Variants in NPHS2 observed in about 807,000 individuals in gnomAD.
The protein encoded by NPHS2 is NPHS2 stomatin family member, podocin.
NPHS2 carries 36 observed loss-of-function variants against 37.1 expected under a neutral mutation model. That is an observed-to-expected ratio of 0.97 (90% CI 0.74 to 1.28). NPHS2 has a LOEUF of 1.28. Ranked by LOEUF, NPHS2 falls within the 50% of genes most tolerant of loss-of-function variation. The pLI, the probability that NPHS2 is intolerant of heterozygous loss-of-function variation, is 0.00. For missense variants in NPHS2, 447 were observed against 488.1 expected (o/e 0.92, Z 0.79); for synonymous variants, 196 against 189.3 (o/e 1.04, Z -0.29).
In NPHS2 at chr1:179,551,126, CT is replaced by C. The variant is rs748220964; in HGVS notation, c.*46del. 7 of 1,612,316 alleles carry C rather than the reference CT, an allele frequency of 4.3e-6. No individual in the cohort carries two copies. The African/African-American group carries it at 9.3e-5, about 22-fold the overall frequency. On this transcript the variant is annotated 3_prime_UTR_variant, in exon 8 of 8. Coordinates refer to ENST00000367615, the MANE Select transcript of NPHS2 (RefSeq NM_014625.4). ...CAGAGTGTCTCCCTCAGGCATGTGA[CT>C]TTTCTATGGCAGGCCCCTTTACAGT...
chr1:179,569,813 G>A (rs1674483318), intron 1 of NPHS2, among the ~76,000 whole-genome samples: 1 of 152,104 alleles, frequency 6.6e-6, no homozygotes, highest in Non-Finnish European at 1.5e-5. Context: ...GCTTAGTTTG[G>A]CTGGATATGA....
rs1393197867 is a variant in NPHS2, at chr1:179,551,305, T to C, written c.1020A>G (p.Leu340=). The change falls in exon 8 of 8, where the codon TTA becomes TTG. Residue 340 remains leucine (L), a synonymous_variant. Transcript: ENST00000367615. ...AATTCAGTAGGTCAAATGGCAAAGG[T>C]AAAACCACAGTGGAAGGCTTCTCTG... ...LSTEKPSTVV[L]PLPFDLLNCL... The C allele has an allele frequency of 1.2e-6, 2 of 1,613,848 alleles. No homozygotes were observed. The highest frequency in any genetic ancestry group is 1.7e-6 in the Non-Finnish European group (2 of 1,179,986).
chr1:179,562,015 C>T (rs1674159579), intron 2 of NPHS2, among the ~76,000 whole-genome samples: 1 of 152,184 alleles, frequency 6.6e-6, no homozygotes, highest in Admixed American at 6.5e-5. Context: ...CCATATTCGT[C>T]AGGCTGGTCT....
chr1:179,572,922 C>T (rs1233149742), intron 1 of NPHS2, among the ~76,000 whole-genome samples: 1 of 152,034 alleles, frequency 6.6e-6, no homozygotes, highest in Non-Finnish European at 1.5e-5. Flanking sequence ...GCATCCTCGG[C>T]CTCCTGGGCT....
chr1:179,575,563 G>C (rs1159983111), intron 1 of NPHS2, 28 bp downstream of exon 1: 2 of 1,599,548 alleles, frequency 1.3e-6, no homozygotes, highest in South Asian at 1.1e-5. Context: ...ACCTGGAAAA[G>C]TAGCAGATAG....
At chr1:179,561,560 A>G (rs935591020) in intron 2 of NPHS2, among the ~76,000 whole-genome samples, 199 bp from the exon 3 acceptor site, 3 of 152,236 alleles carry the variant, frequency 2.0e-5, no homozygotes, top group African/African-American at 7.2e-5. Flanking sequence ...TAACCATGTT[A>G]ATTTTTGAAC....
At chr1:179,569,298 TTATGTAATG>T (rs1674458099) in intron 1 of NPHS2, among the ~76,000 whole-genome samples, 1 of 134,852 alleles carries the variant, frequency 7.4e-6, no homozygotes, top group South Asian at 2.6e-4. Context: ...CCCTTTACCA[TTATGTAATG>T]GCCTTCTTTG....
At chr1:179,572,239 G>A (rs2101882707) in intron 1 of NPHS2, among the ~76,000 whole-genome samples, 1 of 152,276 alleles carries the variant, frequency 6.6e-6, no homozygotes, top group East Asian at 1.9e-4. Context: ...CATGTCCAGA[G>A]GCTTATCTTC....
chr1:179,557,149 T>G lies in NPHS2; in HGVS notation c.616A>C (p.Ser206Arg). 6.2e-7 allele frequency: 1 copy of G among 1,614,092 alleles called. No homozygotes were observed. The highest frequency in any genetic ancestry group is 1.1e-5 in the South Asian group (1 of 91,080). ...ACAGCTTTAGATACATGAGCAAGAC[T>G]GCTTAGGAGAAGAGAGGCATTTTCC... ...RMENASLLLS[S>R]LAHVSKAVQF... Residue 206 changes from serine to arginine, a missense_variant, in exon 5 of 8, where the codon AGT (serine) becomes CGT (arginine). By Grantham distance (110) the Ser-to-Arg change is moderately radical. Coordinates refer to ENST00000367615, the MANE Select transcript of NPHS2 (RefSeq NM_014625.4).
chr1:179,557,124 A>G lies in NPHS2; in HGVS notation c.641T>C (p.Val214Ala). The change falls in exon 5 of 8, where the codon GTG becomes GCG. Residue 214 changes from valine to alanine, a missense_variant. Transcript: ENST00000367615. ...CATAGTGGTTTGCACAAGGAATTGC[A>G]CAGCTTTAGATACATGAGCAAGACT... ...LSSLAHVSKAVQFLVQTTMKR... is the reference protein window; with the variant it reads ...LSSLAHVSKAAQFLVQTTMKR... 1.9e-6 allele frequency: 3 copies of G among 1,614,124 alleles called. No homozygotes were observed. The highest frequency in any genetic ancestry group is 1.7e-4 in the Middle Eastern group (1 of 6,060).
At chr1:179,554,864 T>C (rs1572273723) in intron 5 of NPHS2, 1 of 357,238 alleles carries the variant, frequency 2.8e-6, no homozygotes, top group East Asian at 5.1e-5. Flanking sequence ...ATGGGGATAT[T>C]ATCCTGGATT....
intron 1 of NPHS2, among the ~76,000 whole-genome samples, chr1:179,565,241 T>C (rs1319442706): frequency 1.3e-5 from 2 of 152,114 alleles, no homozygotes; most frequent in Non-Finnish European, 2.9e-5. Flanking sequence ...ACCACTGTAC[T>C]CCAGCCTGGG....
chr1:179,556,592 C>T lies in NPHS2; in HGVS notation c.738+435G>A, dbSNP rs1673939300. On this transcript the variant is annotated intron_variant, in intron 5 of 7. Coordinates refer to ENST00000367615, the MANE Select transcript of NPHS2 (RefSeq NM_014625.4). The surrounding 1 kb of genome is among the most constrained non-coding windows in gnomAD (Gnocchi z 4.1). The stretch of plus-strand genomic sequence containing the variant: ...TCTATGACATCTTAGCTTTTGTTAT[C>T]TGGAAGTCTTATTTGAACTTATTAT... Among the ~76,000 whole-genome samples the T allele has an allele frequency of 6.6e-6, 1 of 152,150 alleles. No homozygotes were observed. The highest frequency in any genetic ancestry group is 1.5e-5 in the Non-Finnish European group (1 of 68,030).
rs1215237605 is a variant in NPHS2 at position 179,575,631 on chromosome 1, G to C, written c.234C>G (p.Thr78=). Residue 78 remains threonine (T), a synonymous_variant, in exon 1 of 8, where the codon ACC becomes ACG. Transcript: ENST00000367615. The part of the protein sequence containing the change: ...DEVRGSGEEG[T]EVVALLESER... The stretch of plus-strand genomic sequence containing the variant: ...CGCTCTCCAACAGCGCCACCACCTC[G>C]GTGCCCTCCTCGCCGGAGCCTCGGA... 3 of 1,603,558 alleles carry C rather than the reference G, an allele frequency of 1.9e-6. No homozygotes were observed. Among genetic ancestry groups the C allele is most frequent in the Non-Finnish European group, 2.5e-6 (3 of 1,179,824 alleles).
At chr1:179,564,304 C>T (rs948677553) in intron 2 of NPHS2, among the ~76,000 whole-genome samples, 39 of 152,338 alleles carry the variant, frequency 2.6e-4, no homozygotes, top group African/African-American at 8.4e-4. Context: ...GTGGGCCAAA[C>T]ATAATCATGA....
chr1:179,555,902 G>A (rs1328621211), intron 5 of NPHS2, among the ~76,000 whole-genome samples: 1 of 152,168 alleles, frequency 6.6e-6, no homozygotes, highest in African/African-American at 2.4e-5. Flanking sequence ...AGCCCCTGCT[G>A]CTATGGAGGT....
At chr1:179,572,105 C>A (rs547763247) in intron 1 of NPHS2, among the ~76,000 whole-genome samples, 17 of 152,324 alleles carry the variant, frequency 1.1e-4, no homozygotes, top group African/African-American at 3.8e-4. Flanking sequence ...TGAGGTGAAC[C>A]AGTTACCTCA....
chr1:179,574,924 TTGAG>T (rs1185196807), intron 1 of NPHS2, among the ~76,000 whole-genome samples: 2 of 152,222 alleles, frequency 1.3e-5, no homozygotes, highest in Non-Finnish European at 2.9e-5. Context: ...GCAGCTGGAA[TTGAG>T]TAAGTTTTTG....
intron 3 of NPHS2, among the ~76,000 whole-genome samples, chr1:179,560,645 A>T (rs1352138333): frequency 6.6e-6 from 1 of 152,000 alleles, no homozygotes; most frequent in Non-Finnish European, 1.5e-5. Context: ...TAATATACAC[A>T]TGGGACTTTG....
Sources: allele counts gnomAD v4.1 joint callset (sites outside exome capture counted in the v4.1 genomes callset), GRCh38; gene constraint gnomAD v4.1.1; non-coding constraint Gnocchi (gnomAD v3.1); transcripts MANE v1.5; gene names NCBI Gene and HGNC (gene_info 2026-07-23, HGNC 2026-07-21).